PRICKLE2: variants seen among roughly 807,000 people sequenced by gnomAD.
The protein encoded by PRICKLE2 is prickle-like protein 2.
Under a neutral mutation model 81.4 loss-of-function variants are expected in PRICKLE2, and 21 were observed. The observed-to-expected ratio is 0.26, with a 90% CI of 0.18 to 0.37. The LOEUF (loss-of-function observed/expected upper bound fraction) is 0.37, where lower values mean the gene tolerates loss of function less well. Ranked by LOEUF, PRICKLE2 falls within the 10% of genes least tolerant of loss-of-function variation. PRICKLE2 has a pLI of 1.00. For synonymous variants in PRICKLE2, 456 were observed against 421.5 expected, an observed-to-expected ratio of 1.08 and a Z score of -1.00; for missense variants, 940 against 1,109.0, an observed-to-expected ratio of 0.85 and a Z score of 2.16.
chr3:64,230,273 A>G (rs2079084801), upstream of PRICKLE2, among the ~76,000 whole-genome samples: 1 of 152,194 alleles, frequency 6.6e-6, no homozygotes, highest in Non-Finnish European at 1.5e-5. Context: ...TGTGCTATGT[A>G]AAAACATTAA....
intron 2 of PRICKLE2, among the ~76,000 whole-genome samples, chr3:64,194,722 A>T (rs1224489211): frequency 6.6e-6 from 1 of 152,214 alleles, no homozygotes; most frequent in African/African-American, 2.4e-5. Flanking sequence ...TACGGTATAC[A>T]CTATTCACTG....
At chr3:64,178,185 C>T (rs983675476) in intron 2 of PRICKLE2, among the ~76,000 whole-genome samples, 7 of 152,098 alleles carry the variant, frequency 4.6e-5, no homozygotes, top group Admixed American at 6.6e-5. Context: ...GCTTATCAGC[C>T]GACCGTATAT....
chr3:64,235,520 C>T (rs551909782), intron 2 of PRICKLE2, among the ~76,000 whole-genome samples: 4 of 152,232 alleles, frequency 2.6e-5, no homozygotes, highest in African/African-American at 9.6e-5. Context: ...GACTGTGCAC[C>T]ACCACCCTGC....
At chr3:64,141,587 T>C (rs1027553957) in intron 7 of PRICKLE2, among the ~76,000 whole-genome samples, 7 of 152,130 alleles carry the variant, frequency 4.6e-5, no homozygotes, top group African/African-American at 1.4e-4. Flanking sequence ...TGCATTGCAG[T>C]GGTATAAATG....
intron 7 of PRICKLE2, among the ~76,000 whole-genome samples, chr3:64,114,263 T>C (rs1483202457): frequency 4.0e-5 from 6 of 151,102 alleles, no homozygotes. Flanking sequence ...GCCCACAAAT[T>C]TGAGAAAGAA....
At chr3:64,235,550 G>T (rs2079168167) in intron 2 of PRICKLE2, among the ~76,000 whole-genome samples, 1 of 152,154 alleles carries the variant, frequency 6.6e-6, no homozygotes, top group Non-Finnish European at 1.5e-5. Context: ...GGAGCTTTTT[G>T]TTGTTGTTTG....
At chr3:64,117,746 G>A (rs78730566) in intron 7 of PRICKLE2, among the ~76,000 whole-genome samples, 1 of 152,060 alleles carries the variant, frequency 6.6e-6, no homozygotes, top group Non-Finnish European at 1.5e-5. Context: ...TTGACAGGAA[G>A]AATCAACATC....
At chr3:64,172,504 G>A (rs983063036) in intron 2 of PRICKLE2, among the ~76,000 whole-genome samples, 1 of 152,186 alleles carries the variant, frequency 6.6e-6, no homozygotes, top group African/African-American at 2.4e-5. Context: ...CAAGTTATTT[G>A]ATCTCTTGTA....
intron 2 of PRICKLE2, among the ~76,000 whole-genome samples, chr3:64,232,754 T>G (rs1039066704): frequency 6.6e-6 from 1 of 152,134 alleles, no homozygotes; most frequent in Non-Finnish European, 1.5e-5. Context: ...CTCCATCTCT[T>G]AATTCCCAGT....
intron 2 of PRICKLE2, among the ~76,000 whole-genome samples, chr3:64,165,259 C>G (rs17720998): frequency 0.21 from 31,799 of 151,984 alleles, 3,732 homozygotes; most frequent in Non-Finnish European, 0.26. Flanking sequence ...CTTTCTGATA[C>G]TGTCTAAGGC....
intron 1 of PRICKLE2, among the ~76,000 whole-genome samples, chr3:64,203,753 G>C (rs2078630368): frequency 6.6e-6 from 1 of 151,652 alleles, no homozygotes; most frequent in South Asian, 2.1e-4. Context: ...TGGATCACTT[G>C]AGGCCAGGAG....
intron 7 of PRICKLE2, among the ~76,000 whole-genome samples, chr3:64,108,179 T>C (rs1429713963): frequency 6.6e-6 from 1 of 152,216 alleles, no homozygotes; most frequent in East Asian, 1.9e-4. Context: ...AAATATTTAC[T>C]TTCTGGCCCT....
At chr3:64,178,410 TG>T (rs2078061333) in intron 2 of PRICKLE2, among the ~76,000 whole-genome samples, 2 of 152,196 alleles carry the variant, frequency 1.3e-5, no homozygotes, top group South Asian at 4.1e-4. Flanking sequence ...GAGAAAAGGA[TG>T]GTTGGAGCTG....
At chr3:64,109,154 G>A (rs773655297) in intron 7 of PRICKLE2, among the ~76,000 whole-genome samples, 29 of 152,158 alleles carry the variant, frequency 1.9e-4, no homozygotes, top group Non-Finnish European at 3.2e-4. Context: ...GCCTCGTCAC[G>A]ATGGGGGTTG....
chr3:64,175,588 T>G (rs1358838923), intron 2 of PRICKLE2, among the ~76,000 whole-genome samples: 1 of 152,200 alleles, frequency 6.6e-6, no homozygotes, highest in Non-Finnish European at 1.5e-5. Context: ...GATCAAAGCT[T>G]TAAGTTCCCT....
Position 64,225,343 on chromosome 3 carries a change from G to T in PRICKLE2, c.-474C>A. 1 of 985,314 alleles carries T rather than the reference G, an allele frequency of 1.0e-6. No homozygotes were observed. The highest frequency in any genetic ancestry group is 4.7e-5 in the South Asian group (1 of 21,274). The allele number at this position is 985,314 out of a possible 1,614,324, so 61.0% of individuals were successfully genotyped here. On this transcript the variant is annotated 5_prime_UTR_variant, in exon 1 of 8. Transcript: ENST00000638394. ...CACCAGCTGATCCTGAGCCAGACCC[G>T]GGGTGACTAGTCAGCTGCTCACAGA...
intron 7 of PRICKLE2, among the ~76,000 whole-genome samples, chr3:64,143,783 C>A: frequency 6.6e-6 from 1 of 152,216 alleles, no homozygotes; most frequent in East Asian, 1.9e-4. Flanking sequence ...TTGAGAAACT[C>A]TTCTTCAGAG....
intron 2 of PRICKLE2, among the ~76,000 whole-genome samples, chr3:64,168,308 G>A (rs965162221): frequency 6.6e-6 from 1 of 152,098 alleles, no homozygotes; most frequent in African/African-American, 2.4e-5. Context: ...GGGCCACACT[G>A]GAAGAAGAAG....
chr3:64,134,706 C>T (rs1340429092), intron 7 of PRICKLE2, among the ~76,000 whole-genome samples: 2 of 152,120 alleles, frequency 1.3e-5, no homozygotes, highest in African/African-American at 4.8e-5. Context: ...TCTAGACCAC[C>T]CTGTTTCCCC....
Sources: allele counts gnomAD v4.1 joint callset (sites outside exome capture counted in the v4.1 genomes callset), GRCh38; gene constraint gnomAD v4.1.1; transcripts MANE v1.5; gene names NCBI Gene and HGNC (gene_info 2026-07-23, HGNC 2026-07-21).